Variants in TRHDE observed in about 807,000 individuals in gnomAD.
The protein encoded by TRHDE is thyrotropin releasing hormone degrading enzyme, also known as thyrotropin-releasing hormone-degrading ectoenzyme.
Under a neutral mutation model 125.7 loss-of-function variants are expected in TRHDE, and 72 were observed. The observed-to-expected ratio is 0.57, with a 90% CI of 0.47 to 0.70. TRHDE has a LOEUF of 0.70. Among genes scored for constraint, TRHDE ranks in the 30% least tolerant of loss-of-function variants. The pLI is 0.00. For synonymous variants in TRHDE, 509 were observed against 509.1 expected, an observed-to-expected ratio of 1.00 and a Z score of 0.00; for missense variants, 1,110 against 1,327.1, an observed-to-expected ratio of 0.84 and a Z score of 2.54.
chr12:72,290,095 G>A (rs1202848084), intron 2 of TRHDE, among the ~76,000 whole-genome samples: 1 of 152,194 alleles, frequency 6.6e-6, no homozygotes, highest in Non-Finnish European at 1.5e-5. Context: ...AGACTAGTTG[G>A]AAGAGGGAGA....
chr12:72,442,377 A>T (rs1299493018), intron 3 of TRHDE, among the ~76,000 whole-genome samples: 1 of 151,818 alleles, frequency 6.6e-6, no homozygotes, highest in Non-Finnish European at 1.5e-5. Context: ...TTACTCTGTC[A>T]CTTCTTTACC....
At chr12:72,551,950 A>G (rs1176193764) in intron 7 of TRHDE, among the ~76,000 whole-genome samples, 17 of 152,040 alleles carry the variant, frequency 1.1e-4, no homozygotes, top group Admixed American at 1.1e-3. Context: ...TTCCAAGAAG[A>G]GGGAGGAGCC....
At chr12:72,260,863 C>T (rs1313960866) in intron 2 of TRHDE, among the ~76,000 whole-genome samples, 2 of 152,070 alleles carry the variant, frequency 1.3e-5, no homozygotes, top group Non-Finnish European at 2.9e-5. Context: ...TGTTTCCTGC[C>T]CTGAAGAAAC....
intron 5 of TRHDE, among the ~76,000 whole-genome samples, chr12:72,484,502 C>T (rs868605223): frequency 1.3e-4 from 20 of 152,138 alleles, no homozygotes; most frequent in Non-Finnish European, 2.2e-4. Context: ...AGATTAGAGA[C>T]TGTTTGTTTC....
chr12:72,537,325 C>T (rs1868914413), intron 6 of TRHDE, among the ~76,000 whole-genome samples: 1 of 151,960 alleles, frequency 6.6e-6, no homozygotes, highest in Non-Finnish European at 1.5e-5. Flanking sequence ...GGGAGGGGAC[C>T]TGTAATCCCC....
At chr12:72,662,871 C>CAT (rs138390073) in intron 18 of TRHDE, among the ~76,000 whole-genome samples, 181 bp from the exon 19 acceptor site, 3,948 of 150,838 alleles carry the variant, frequency 0.026, 214 homozygotes, top group African/African-American at 0.093. Context: ...CATAATCTGT[C>CAT]ATATTTCATT....
intron 12 of TRHDE, among the ~76,000 whole-genome samples, chr12:72,580,216 A>G (rs749860836): frequency 1.3e-5 from 2 of 152,162 alleles, no homozygotes; most frequent in Non-Finnish European, 2.9e-5. Context: ...GTTAAGCCCT[A>G]TGGTTTTATG....
intron 2 of TRHDE, among the ~76,000 whole-genome samples, chr12:72,219,161 A>ATTTTTTTTTTT (rs200360805): frequency 6.8e-6 from 1 of 146,148 alleles, no homozygotes; most frequent in Non-Finnish European, 1.5e-5. Context: ...TGTTTTGTGT[A>ATTTTTTTTTTT]TTTTTTTTTT....
chr12:72,440,517 A>G (rs1398673452), intron 3 of TRHDE, among the ~76,000 whole-genome samples: 2 of 151,844 alleles, frequency 1.3e-5, no homozygotes, highest in African/African-American at 4.8e-5. Context: ...TATCTTTTAC[A>G]TTTCATGTTA....
chr12:72,589,339 T>C (rs957434991), intron 12 of TRHDE, among the ~76,000 whole-genome samples: 7 of 152,188 alleles, frequency 4.6e-5, no homozygotes, highest in African/African-American at 1.7e-4. Context: ...TCTATTGCAC[T>C]TTTATTTTTT....
upstream of TRHDE, among the ~76,000 whole-genome samples, chr12:72,269,923 C>A (rs1200649685): frequency 6.6e-6 from 1 of 152,164 alleles, no homozygotes. Context: ...TAGTGGGTAA[C>A]CTCTTCCTTT....
intron 1 of TRHDE, among the ~76,000 whole-genome samples, chr12:72,102,049 C>A (rs1875079899): frequency 6.6e-6 from 1 of 152,150 alleles, no homozygotes; most frequent in South Asian, 2.1e-4. Flanking sequence ...GCAAGGGCCT[C>A]TCGATGGAAC....
At chr12:72,254,672 C>T (rs1402427650) in intron 2 of TRHDE, 1 of 152,154 alleles carries the variant, frequency 6.6e-6, no homozygotes, top group Non-Finnish European at 1.5e-5. Flanking sequence ...ACATCCACTA[C>T]CACAGGTACC....
intron 1 of TRHDE, chr12:72,274,792 A>G (rs1283942931): frequency 6.6e-6 from 1 of 152,156 alleles, no homozygotes; most frequent in Non-Finnish European, 1.5e-5. Context: ...GTAGACGTCT[A>G]TGAGTGAATG....
chr12:72,238,381 ATT>A (rs71457042), intron 2 of TRHDE, among the ~76,000 whole-genome samples: 22,826 of 82,426 alleles, frequency 0.28, 6,366 homozygotes, highest in Non-Finnish European at 0.34. Context: ...ATATATATAT[ATT>A]TTTTTTTAAC....
intron 3 of TRHDE, among the ~76,000 whole-genome samples, chr12:72,415,191 T>C (rs1430667110): frequency 6.6e-6 from 1 of 152,146 alleles, no homozygotes; most frequent in East Asian, 1.9e-4. Flanking sequence ...CTGCAGTTCA[T>C]TAATGTATTA....
rs905857668 is a variant in TRHDE at position 72,555,741 on chromosome 12, G to T, written c.1789-6424G>T. On this transcript the variant is annotated intron_variant, in intron 7 of 18. Coordinates refer to ENST00000261180, the MANE Select transcript of TRHDE (RefSeq NM_013381.3). ...GGAATGTGAAAACATCCTCTGAAGT[G>T]CATGGGCCAGGCTTCAAATGGGTTT... 1.1e-4 allele frequency among the ~76,000 whole-genome samples: 17 copies of T among 152,124 alleles called. 1 individual carries two copies.
intron 2 of TRHDE, among the ~76,000 whole-genome samples, chr12:72,290,429 C>T (rs1490009800): frequency 6.6e-6 from 1 of 152,108 alleles, no homozygotes; most frequent in African/African-American, 2.4e-5. Flanking sequence ...ATGAATTTTT[C>T]CTTTACAATA....
At chr12:72,232,409 G>C (rs955714149) in intron 2 of TRHDE, among the ~76,000 whole-genome samples, 5 of 152,106 alleles carry the variant, frequency 3.3e-5, no homozygotes, top group Admixed American at 1.3e-4. Context: ...AGATATAGAA[G>C]GTGCTGGAAT....
Sources: allele counts gnomAD v4.1 joint callset (sites outside exome capture counted in the v4.1 genomes callset), GRCh38; gene constraint gnomAD v4.1.1; transcripts MANE v1.5; gene names NCBI Gene and HGNC (gene_info 2026-07-23, HGNC 2026-07-21).